SPOP: variants seen among roughly 807,000 people sequenced by gnomAD.
SPOP encodes the protein speckle-type POZ protein.
A neutral mutation model predicts 45.6 loss-of-function variants in SPOP; 11 were observed. The ratio of observed to expected loss-of-function variants is 0.24; its 90% CI spans 0.15 to 0.40. The LOEUF (loss-of-function observed/expected upper bound fraction) is 0.40, where lower values mean the gene tolerates loss of function less well. Among genes scored for constraint, SPOP ranks in the 10% least tolerant of loss-of-function variants. SPOP has a pLI of 1.00. For synonymous variants in SPOP, 166 were observed against 166.3 expected, an observed-to-expected ratio of 1.00 and a Z score of 0.01; for missense variants, 152 against 465.6, an observed-to-expected ratio of 0.33 and a Z score of 6.20.
At chr17:49,658,726 GAGA>G (rs2072948510) in intron 1 of SPOP, among the ~76,000 whole-genome samples, 1 of 152,202 alleles carries the variant, frequency 6.6e-6, no homozygotes, top group Non-Finnish European at 1.5e-5. Context: ...CAACCAAGCG[GAGA>G]AGAACTACCA....
At position 49,619,205 on chromosome 17, in the gene SPOP, A is replaced by G; in HGVS notation, c.352+29T>C. The G allele has an allele frequency of 1.2e-6, 2 of 1,613,956 alleles. No homozygotes were observed. Among genetic ancestry groups the G allele is most frequent in the Non-Finnish European group, 8.5e-7 (1 of 1,179,886 alleles). On this transcript the variant is annotated intron_variant, in intron 4 of 9. Transcript: ENST00000504102. This position sits in a 1 kb window ranked among gnomAD's most constrained non-coding sequence, Gnocchi z 4.9. ...TATGAAACTTCTGGATGTGAAACTT[A>G]AGAGTTGAACAAAGAGGAGAACATT...
intron 2 of SPOP, chr17:49,622,397 T>A: frequency 1.9e-6 from 1 of 518,112 alleles, no homozygotes; most frequent in Non-Finnish European, 3.5e-6. Flanking sequence ...GGGTCTCTGT[T>A]ATTAAAATGT....
At chr17:49,628,197 T>C (rs974349890) in intron 1 of SPOP, among the ~76,000 whole-genome samples, 4 of 152,244 alleles carry the variant, frequency 2.6e-5, no homozygotes, top group Admixed American at 6.5e-5. Context: ...AAATTTATTT[T>C]CCAAAGCTTA....
At chr17:49,673,309 T>G (rs1442609428) in intron 1 of SPOP, among the ~76,000 whole-genome samples, 1 of 151,948 alleles carries the variant, frequency 6.6e-6, no homozygotes, top group East Asian at 1.9e-4. Context: ...ATCAAGACCA[T>G]CCTGGCTAAC....
intron 1 of SPOP, among the ~76,000 whole-genome samples, chr17:49,661,742 G>A (rs540858071): frequency 4.6e-5 from 7 of 152,278 alleles, no homozygotes; most frequent in South Asian, 2.1e-4. Context: ...GGCCGGGTGC[G>A]GTGGCTCATG....
At chr17:49,626,939 T>C (rs909033810) in intron 1 of SPOP, among the ~76,000 whole-genome samples, 1 of 152,098 alleles carries the variant, frequency 6.6e-6, no homozygotes, top group African/African-American at 2.4e-5. Context: ...AAGCTCCGCC[T>C]CCCGGGTTCA....
intron 1 of SPOP, among the ~76,000 whole-genome samples, chr17:49,658,660 T>C (rs545059197): frequency 9.9e-5 from 15 of 152,172 alleles, no homozygotes; most frequent in Admixed American, 6.5e-4. Flanking sequence ...GCAGGACAGA[T>C]AGCAATGAGT....
chr17:49,609,504 C>T (rs1024571238), intron 6 of SPOP, among the ~76,000 whole-genome samples: 4 of 152,030 alleles, frequency 2.6e-5, no homozygotes, highest in Non-Finnish European at 2.9e-5. Context: ...GGAATGAAAA[C>T]GGAACTGAAG....
chr17:49,668,421 C>T (rs992301164), intron 1 of SPOP, among the ~76,000 whole-genome samples: 2 of 151,968 alleles, frequency 1.3e-5, no homozygotes, highest in Non-Finnish European at 2.9e-5. Context: ...AAAAAACATA[C>T]TAAGCAAAAA....
intron 7 of SPOP, 62 bp from the exon 8 acceptor site, chr17:49,607,434 A>C: frequency 1.3e-6 from 2 of 1,561,098 alleles, no homozygotes; most frequent in South Asian, 2.4e-5. Flanking sequence ...AAACTAAACT[A>C]TTTTCATGAT....
intron 1 of SPOP, chr17:49,646,552 G>T (rs1200918783): frequency 6.6e-6 from 1 of 150,636 alleles, no homozygotes; most frequent in East Asian, 1.9e-4. Context: ...AGAGAGAGAA[G>T]CAACCTGTGC....
chr17:49,600,614 G>T lies in SPOP; in HGVS notation c.981-92C>A. On this transcript the variant is annotated intron_variant, in intron 9 of 9. Coordinates refer to ENST00000504102, the MANE Select transcript of SPOP (RefSeq NM_001007228.2). The surrounding 1 kb of genome is among the most constrained non-coding windows in gnomAD (Gnocchi z 4.2). Reference sequence around the variant, plus strand: ...AGATAGCCTAATTTTCCACTGTTAGGTATAAAGGGTGTCAATGCAAGAAAC... The same window carrying T: ...AGATAGCCTAATTTTCCACTGTTAGTTATAAAGGGTGTCAATGCAAGAAAC... 7.1e-7 allele frequency: 1 copy of T among 1,401,630 alleles called. No homozygotes were observed. The highest frequency in any genetic ancestry group is 9.9e-7 in the Non-Finnish European group (1 of 1,008,092). 86.8% of individuals were successfully genotyped at this position (1,401,630 alleles called of 1,614,324 possible). A position where few individuals can be genotyped will look rare whatever the true frequency, so the allele number is the denominator to read the frequency against.
chr17:49,659,294 A>T lies in SPOP; in HGVS notation c.-67+18639T>A, dbSNP rs572382157. Among the ~76,000 whole-genome samples the T allele has an allele frequency of 2.6e-5, 4 of 152,330 alleles. No homozygotes were observed. In the South Asian group the frequency reaches 8.3e-4, roughly 32 times the overall value. On this transcript the variant is annotated intron_variant, in intron 1 of 9. Coordinates refer to ENST00000504102, the MANE Select transcript of SPOP (RefSeq NM_001007228.2). ...ATCTACTCTTCCAAAACTCAGTGCA[A>T]TAGACCCAACTGCCTGCCTGCTAGG...
At chr17:49,613,323 C>T (rs2072016029) in intron 5 of SPOP, among the ~76,000 whole-genome samples, 1 of 149,076 alleles carries the variant, frequency 6.7e-6, no homozygotes, top group Non-Finnish European at 1.5e-5. Context: ...AACTTTCTCA[C>T]AGGGAAAGGC....
chr17:49,622,375 C>A (rs995612140), intron 2 of SPOP: 1 of 533,132 alleles, frequency 1.9e-6, no homozygotes, highest in African/African-American at 1.9e-5. Flanking sequence ...ATGATAAAAC[C>A]GTACTTAAAA....
At chr17:49,672,663 G>A (rs978609462) in intron 1 of SPOP, among the ~76,000 whole-genome samples, 2 of 152,100 alleles carry the variant, frequency 1.3e-5, no homozygotes, top group Non-Finnish European at 2.9e-5. Context: ...CCAGTATCAT[G>A]AGGCCAGGTA....
At chr17:49,674,907 A>T (rs1390018088) in intron 1 of SPOP, among the ~76,000 whole-genome samples, 1 of 152,226 alleles carries the variant, frequency 6.6e-6, no homozygotes, top group Admixed American at 6.5e-5. Context: ...TCTGCAAAAC[A>T]GTGAGGTATT....
At chr17:49,602,643 A>G (rs1316479055) in intron 8 of SPOP, among the ~76,000 whole-genome samples, 1 of 152,200 alleles carries the variant, frequency 6.6e-6, no homozygotes, top group South Asian at 2.1e-4. Flanking sequence ...TTTCTGAATG[A>G]GGGTCAACTA....
At chr17:49,603,255 A>C (rs1243137949) in intron 8 of SPOP, among the ~76,000 whole-genome samples, 2 of 152,216 alleles carry the variant, frequency 1.3e-5, no homozygotes, top group Admixed American at 6.5e-5. Flanking sequence ...TCCATGGAAA[A>C]CAGGAATAAC....
Sources: gnomAD v4.1 joint callset for allele counts (sites outside exome capture counted in the v4.1 genomes callset) on GRCh38, gnomAD v4.1.1 for gene constraint, Gnocchi (gnomAD v3.1) non-coding constraint, MANE v1.5 for transcripts, NCBI Gene and HGNC (gene_info 2026-07-23, HGNC 2026-07-21) for gene names.